HTR1F: variants seen among roughly 807,000 people sequenced by gnomAD.
The protein encoded by HTR1F is 5-hydroxytryptamine receptor 1F, also known as 5-hydroxytryptamine (serotonin) receptor 1F, G protein-coupled.
In HTR1F, 17 loss-of-function variants were observed where a neutral mutation model predicts 24.0. That is an observed-to-expected ratio of 0.71 (90% CI 0.48 to 1.06). The LOEUF is 1.06. Ranked by LOEUF, HTR1F falls within the 50% of genes least tolerant of loss-of-function variation. The pLI, the probability that HTR1F is intolerant of heterozygous loss-of-function variation, is 0.00. For synonymous variants in HTR1F, 186 were observed against 156.8 expected (o/e 1.19, Z -1.39); for missense variants, 391 against 427.8 (o/e 0.91, Z 0.76).
At chr3:87,892,467 T>C (rs1706106064) in intron 2 of HTR1F, among the ~76,000 whole-genome samples, 2 of 152,302 alleles carry the variant, frequency 1.3e-5, no homozygotes, top group Middle Eastern at 3.4e-3. Flanking sequence ...GTGGAAAGAA[T>C]TTGAGCTACA....
At chr3:87,930,735 A>C (rs1194491554) in intron 2 of HTR1F, among the ~76,000 whole-genome samples, 1 of 151,994 alleles carries the variant, frequency 6.6e-6, no homozygotes. Flanking sequence ...GGTGAGGATT[A>C]AATGAATCAA....
chr3:87,899,583 T>C (rs1706276891), intron 2 of HTR1F, among the ~76,000 whole-genome samples: 1 of 152,186 alleles, frequency 6.6e-6, no homozygotes, highest in African/African-American at 2.4e-5. Flanking sequence ...CAGTATATCA[T>C]GGCCGGGTGC....
chr3:87,808,707 G>A (rs947032860), intron 1 of HTR1F, among the ~76,000 whole-genome samples: 9 of 151,574 alleles, frequency 5.9e-5, no homozygotes, highest in African/African-American at 1.7e-4. Flanking sequence ...TTTTTAAATT[G>A]TCTATTTGAA....
intron 2 of HTR1F, among the ~76,000 whole-genome samples, chr3:87,873,037 G>A (rs1705591847): frequency 6.6e-6 from 1 of 151,328 alleles, no homozygotes; most frequent in Non-Finnish European, 1.5e-5. Context: ...TATTTTATTA[G>A]TCAAGGTTCT....
At chr3:87,918,841 C>T (rs566325152) in intron 2 of HTR1F, among the ~76,000 whole-genome samples, 8 of 151,928 alleles carry the variant, frequency 5.3e-5, no homozygotes, top group African/African-American at 1.7e-4. Flanking sequence ...ATCAGAATAC[C>T]ACCATCATTC....
At chr3:87,825,752 G>A (rs570360531) in intron 2 of HTR1F, among the ~76,000 whole-genome samples, 2 of 152,076 alleles carry the variant, frequency 1.3e-5, no homozygotes, top group Non-Finnish European at 2.9e-5. Flanking sequence ...ATGTCACAAA[G>A]CCTTCTCCCT....
chr3:87,819,438 T>C (rs1704312615), intron 1 of HTR1F, among the ~76,000 whole-genome samples: 1 of 151,946 alleles, frequency 6.6e-6, no homozygotes. Context: ...TTCATCTAGT[T>C]TGCATGTTTG....
At chr3:87,940,951 G>A (rs951989006) in intron 2 of HTR1F, among the ~76,000 whole-genome samples, 7 of 152,140 alleles carry the variant, frequency 4.6e-5, no homozygotes, top group South Asian at 2.1e-4. Flanking sequence ...TGCTACTGCC[G>A]CCACTACCTG....
intron 2 of HTR1F, among the ~76,000 whole-genome samples, chr3:87,857,283 T>TAA (rs201909214): frequency 2.6e-5 from 4 of 151,468 alleles, no homozygotes; most frequent in Admixed American, 2.0e-4. Flanking sequence ...CTGATTATGG[T>TAA]AAAAAAAAGT....
At position 87,991,904 on chromosome 3, in the gene HTR1F, A is replaced by G; in HGVS notation, c.*54A>G. 1 of 1,418,274 alleles carries G rather than the reference A, an allele frequency of 7.1e-7. No homozygotes were observed. The allele number at this position is 1,418,274 out of a possible 1,614,324, so 87.9% of individuals were successfully genotyped here. ...GGGGTTTTTGAGGGGAGGAATAACT[A>G]GATGAATGCCAAATAATAAAACACT... is the stretch of plus-strand genomic sequence containing the variant. On this transcript the variant is annotated 3_prime_UTR_variant, in exon 3 of 3. Transcript: ENST00000319595.
chr3:87,875,968 C>T (rs1039067081), intron 2 of HTR1F, among the ~76,000 whole-genome samples: 2 of 151,148 alleles, frequency 1.3e-5, no homozygotes, highest in African/African-American at 4.9e-5. Context: ...GACATTTCTC[C>T]TAAGTAATAC....
At chr3:87,973,790 G>A (rs1446727443) in intron 2 of HTR1F, among the ~76,000 whole-genome samples, 3 of 152,140 alleles carry the variant, frequency 2.0e-5, no homozygotes, top group African/African-American at 4.8e-5. Context: ...TCATTGCCAG[G>A]GAGTTATGAT....
At chr3:87,935,009 T>A (rs1482592669) in intron 2 of HTR1F, among the ~76,000 whole-genome samples, 7 of 152,054 alleles carry the variant, frequency 4.6e-5, no homozygotes, top group Admixed American at 3.9e-4. Flanking sequence ...GGGACCAAAG[T>A]CCCGTTCCAC....
chr3:87,955,185 C>T (rs1161690852), intron 2 of HTR1F, among the ~76,000 whole-genome samples: 1 of 151,492 alleles, frequency 6.6e-6, no homozygotes, highest in Non-Finnish European at 1.5e-5. Context: ...CTTTAAGAGA[C>T]TCCTCAGGTT....
intron 2 of HTR1F, among the ~76,000 whole-genome samples, chr3:87,908,634 T>C (rs891597): frequency 0.09 from 13,648 of 152,078 alleles, 1,917 homozygotes; most frequent in African/African-American, 0.3. Flanking sequence ...GTCCATTTCC[T>C]CTTTTTAAAT....
chr3:87,867,500 T>C (rs1273101524), intron 2 of HTR1F, among the ~76,000 whole-genome samples: 9 of 151,800 alleles, frequency 5.9e-5, no homozygotes, highest in African/African-American at 1.9e-4. Flanking sequence ...GTGGCAAAAA[T>C]TGAACATTTA....
chr3:87,902,661 A>T (rs891431404), intron 2 of HTR1F, among the ~76,000 whole-genome samples: 1 of 151,406 alleles, frequency 6.6e-6, no homozygotes, highest in Admixed American at 6.6e-5. Context: ...GGTTAGTTAC[A>T]TATGTATACA....
intron 2 of HTR1F, among the ~76,000 whole-genome samples, chr3:87,900,686 A>T (rs1576005384): frequency 6.6e-6 from 1 of 152,202 alleles, no homozygotes; most frequent in Non-Finnish European, 1.5e-5. Flanking sequence ...AGTTAGAGCC[A>T]ATAAAATTTG....
At chr3:87,808,888 T>C (rs1283545630) in intron 1 of HTR1F, among the ~76,000 whole-genome samples, 2 of 151,882 alleles carry the variant, frequency 1.3e-5, no homozygotes, top group Admixed American at 6.6e-5. Context: ...CAGGAGCATG[T>C]TGTTTAATTT....
Sources: allele counts gnomAD v4.1 joint callset (sites outside exome capture counted in the v4.1 genomes callset), GRCh38; gene constraint gnomAD v4.1.1; transcripts MANE v1.5; gene names NCBI Gene and HGNC (gene_info 2026-07-23, HGNC 2026-07-21).